Variants in PDE4D observed in about 807,000 individuals in gnomAD.
PDE4D encodes phosphodiesterase 4D, also known as 3',5'-cyclic-AMP phosphodiesterase 4D.
PDE4D carries 24 observed loss-of-function variants against 87.4 expected under a neutral mutation model. The ratio of observed to expected loss-of-function variants is 0.27; its 90% CI spans 0.20 to 0.39. The LOEUF is 0.39. Ranked by LOEUF, PDE4D falls within the 10% of genes least tolerant of loss-of-function variation. The pLI is 1.00. For missense variants in PDE4D, 714 were observed against 1,041.0 expected, an observed-to-expected ratio of 0.69 and a Z score of 4.32; for synonymous variants, 384 against 383.2, an observed-to-expected ratio of 1.00 and a Z score of -0.02.
intron 1 of PDE4D, among the ~76,000 whole-genome samples, chr5:59,427,767 C>A (rs2216687): frequency 0.012 from 1,781 of 147,126 alleles, 36 homozygotes; most frequent in East Asian, 0.082. Context: ...CTGCCCTGAT[C>A]TATGATTGCT....
intron 3 of PDE4D, among the ~76,000 whole-genome samples, chr5:59,984,591 T>G (rs1762228313): frequency 6.6e-6 from 1 of 152,128 alleles, no homozygotes; most frequent in African/African-American, 2.4e-5. Flanking sequence ...GGAAAAAAAG[T>G]CAAAGTAGAA....
intron 1 of PDE4D, among the ~76,000 whole-genome samples, chr5:59,508,438 C>T (rs1809665287): frequency 6.6e-6 from 1 of 152,096 alleles, no homozygotes; most frequent in African/African-American, 2.4e-5. Context: ...AGTTAGCAGA[C>T]ATGCAGTTAC....
chr5:59,602,088 C>T (rs1174889728), intron 1 of PDE4D, among the ~76,000 whole-genome samples: 1 of 152,030 alleles, frequency 6.6e-6, no homozygotes, highest in African/African-American at 2.4e-5. Flanking sequence ...AAGTGGGATT[C>T]ATCCTAGGGA....
intron 1 of PDE4D, among the ~76,000 whole-genome samples, chr5:59,246,816 A>G (rs1758933062): frequency 6.6e-6 from 1 of 152,180 alleles, no homozygotes; most frequent in Admixed American, 6.6e-5. Flanking sequence ...CCAGATGGTG[A>G]TCTTTATCCA....
At chr5:60,228,557 T>C (rs1583147978) in intron 1 of PDE4D, among the ~76,000 whole-genome samples, 1 of 152,164 alleles carries the variant, frequency 6.6e-6, no homozygotes, top group African/African-American at 2.4e-5. Flanking sequence ...TCCTCTCTCC[T>C]TGAATCTGGG....
At chr5:59,355,057 A>G (rs1263937646) in intron 1 of PDE4D, among the ~76,000 whole-genome samples, 2 of 152,212 alleles carry the variant, frequency 1.3e-5, no homozygotes, top group Non-Finnish European at 2.9e-5. Flanking sequence ...CTCACCTCTT[A>G]AACTTGTTAC....
chr5:60,127,537 C>T, intron 2 of PDE4D: 1 of 450,844 alleles, frequency 2.2e-6, no homozygotes, highest in South Asian at 4.9e-5. Flanking sequence ...AGATGCAGCG[C>T]ATAACTGGAA....
At chr5:60,425,653 C>G (rs1318491887) in intron 1 of PDE4D, among the ~76,000 whole-genome samples, 1 of 151,732 alleles carries the variant, frequency 6.6e-6, no homozygotes, top group Non-Finnish European at 1.5e-5. Flanking sequence ...CACCAAAAAG[C>G]AATGGCAACA....
At chr5:60,179,885 C>T (rs1784241986) in intron 2 of PDE4D, among the ~76,000 whole-genome samples, 1 of 152,082 alleles carries the variant, frequency 6.6e-6, no homozygotes, top group Non-Finnish European at 1.5e-5. Context: ...GAAAACTCCA[C>T]CAGTTATGCT....
intron 1 of PDE4D, among the ~76,000 whole-genome samples, chr5:60,257,892 G>C (rs1490517777): frequency 6.6e-6 from 1 of 151,920 alleles, no homozygotes; most frequent in Non-Finnish European, 1.5e-5. Context: ...ATTTGCTCAA[G>C]TGAGGAGCAA....
chr5:60,521,637 A>C (rs1751042359), intron 1 of PDE4D: 1 of 152,116 alleles, frequency 6.6e-6, no homozygotes, highest in Non-Finnish European at 1.5e-5. Context: ...CAAATGAGAA[A>C]ATGAAAGTGA....
At chr5:59,354,547 G>A (rs77656739) in intron 1 of PDE4D, among the ~76,000 whole-genome samples, 2,848 of 152,176 alleles carry the variant, frequency 0.019, 101 homozygotes, top group African/African-American at 0.065. Context: ...GTGCATTTGA[G>A]GTATTATGGT....
intron 1 of PDE4D, among the ~76,000 whole-genome samples, chr5:60,279,807 G>A (rs1751719702): frequency 6.6e-6 from 1 of 151,316 alleles, no homozygotes; most frequent in African/African-American, 2.4e-5. Context: ...TCAGCCTCCT[G>A]AGTAGCTGGG....
At chr5:59,467,542 G>T (rs1333342910) in intron 1 of PDE4D, among the ~76,000 whole-genome samples, 1 of 152,058 alleles carries the variant, frequency 6.6e-6, no homozygotes, top group African/African-American at 2.4e-5. Context: ...ACTCACATTG[G>T]ATAGATAATC....
chr5:59,765,038 A>G (rs527790343), intron 1 of PDE4D, among the ~76,000 whole-genome samples: 2 of 152,248 alleles, frequency 1.3e-5, no homozygotes, highest in East Asian at 3.9e-4. Flanking sequence ...TTAAGCTTCC[A>G]CCATTGACCA....
chr5:59,221,924 G>A (rs1445013924), intron 1 of PDE4D, among the ~76,000 whole-genome samples: 1 of 152,212 alleles, frequency 6.6e-6, no homozygotes, highest in African/African-American at 2.4e-5. Context: ...CCAGAAGGCA[G>A]TTTTGGAGGA....
At chr5:60,029,435 C>T (rs1339862823) in intron 2 of PDE4D, among the ~76,000 whole-genome samples, 2 of 152,200 alleles carry the variant, frequency 1.3e-5, no homozygotes, top group Non-Finnish European at 2.9e-5. Context: ...TTCCCGCTTC[C>T]AGTCTTCCTG....
chr5:60,016,023 C>CTGTGTG (rs1203407485), intron 2 of PDE4D, among the ~76,000 whole-genome samples: 1 of 147,252 alleles, frequency 6.8e-6, no homozygotes, highest in African/African-American at 2.5e-5. Context: ...CTCTCTCTCT[C>CTGTGTG]TCTGTGTGTG....
chr5:60,310,270 T>C (rs1754891532), intron 1 of PDE4D, among the ~76,000 whole-genome samples: 1 of 152,218 alleles, frequency 6.6e-6, no homozygotes, highest in African/African-American at 2.4e-5. Flanking sequence ...AAAAATCACA[T>C]ATACAGTATT....
Sources: gnomAD v4.1 joint callset for allele counts (sites outside exome capture counted in the v4.1 genomes callset) on GRCh38, gnomAD v4.1.1 for gene constraint, MANE v1.5 for transcripts, NCBI Gene and HGNC (gene_info 2026-07-23, HGNC 2026-07-21) for gene names.